SAFB2: variants seen among roughly 807,000 people sequenced by gnomAD.
SAFB2 encodes the protein scaffold attachment factor B2.
In SAFB2, 32 loss-of-function variants were observed where a neutral mutation model predicts 100.6. The observed-to-expected ratio is 0.32, with a 90% CI of 0.24 to 0.43. The LOEUF is 0.43. Ranked by LOEUF, SAFB2 falls within the 20% of genes least tolerant of loss-of-function variation. The probability of loss-of-function intolerance (pLI) is 1.00; values close to 1 mark genes in which losing one functional copy is unlikely to be tolerated. For missense variants in SAFB2, 1,185 were observed against 1,163.4 expected, an observed-to-expected ratio of 1.02 and a Z score of -0.27; for synonymous variants, 500 against 439.4, an observed-to-expected ratio of 1.14 and a Z score of -1.72.
intron 13 of SAFB2, among the ~76,000 whole-genome samples, chr19:5,597,847 T>C (rs550889989): frequency 7.2e-5 from 11 of 152,288 alleles, no homozygotes; most frequent in African/African-American, 2.2e-4. Flanking sequence ...AACTAAGTCT[T>C]GGTTGGGCAC....
rs1190003414 is a variant in SAFB2, at chr19:5,616,349, G to T, written c.340-14C>A. On this transcript the variant is annotated splice_polypyrimidine_tract_variant and intron_variant, in intron 3 of 20. Transcript: ENST00000252542. ...TTCCATGTCCTCCTGTAAAGAGGAA[G>T]AAGAATCGTTAACGACCACCTGGAC... is the stretch of plus-strand genomic sequence containing the variant. The T allele has an allele frequency of 3.1e-6, 5 of 1,613,960 alleles. No homozygotes were observed. The highest frequency in any genetic ancestry group is 2.2e-5 in the East Asian group (1 of 44,888).
intron 11 of SAFB2, among the ~76,000 whole-genome samples, chr19:5,601,715 T>TAAATAAAA (rs1370822914): frequency 2.7e-5 from 4 of 148,530 alleles, no homozygotes; most frequent in Admixed American, 2.0e-4. Flanking sequence ...CATCTCAAAA[T>TAAATAAAA]AAATAAATAA....
intron 9 of SAFB2, among the ~76,000 whole-genome samples, chr19:5,605,738 T>A (rs952385028): frequency 1.3e-5 from 2 of 152,182 alleles, no homozygotes; most frequent in Non-Finnish European, 2.9e-5. Flanking sequence ...TGATGAAACG[T>A]AGGCAACGAC....
chr19:5,613,121 T>C (rs1423961403), intron 5 of SAFB2, among the ~76,000 whole-genome samples: 3 of 152,170 alleles, frequency 2.0e-5, no homozygotes, highest in Non-Finnish European at 4.4e-5. Flanking sequence ...CCCTCTCTCT[T>C]TTGCATCAGA....
Position 5,587,108 on chromosome 19 carries a change from G to C in SAFB2, c.*135C>G, listed in dbSNP as rs1444040508. 1 of 1,099,294 alleles carries C rather than the reference G, an allele frequency of 9.1e-7. No individual in the cohort carries two copies. The highest frequency in any genetic ancestry group is 1.3e-6 in the Non-Finnish European group (1 of 779,418). 68.1% of individuals were successfully genotyped at this position (1,099,294 alleles called of 1,614,324 possible). ...TTATTTAAAAAAAAAAAAAAAGTGA[G>C]TTCACATTGTATTGAGCTACAACAT... On this transcript the variant is annotated 3_prime_UTR_variant, in exon 21 of 21. Coordinates refer to ENST00000252542, the MANE Select transcript of SAFB2 (RefSeq NM_014649.3). The surrounding 1 kb of genome is among the most constrained non-coding windows in gnomAD (Gnocchi z 4.9).
At chr19:5,612,660 TA>T in intron 5 of SAFB2, 93 bp from the exon 6 acceptor site, 1 of 961,996 alleles carries the variant, frequency 1.0e-6, no homozygotes, top group Non-Finnish European at 1.6e-6. Context: ...CATCTGTGAA[TA>T]AATGCCTGTT....
chr19:5,614,945 T>C (rs529526870), intron 4 of SAFB2, among the ~76,000 whole-genome samples: 2 of 152,336 alleles, frequency 1.3e-5, no homozygotes, highest in South Asian at 4.1e-4. Flanking sequence ...GCGTGGTGAC[T>C]CACCACTATA....
chr19:5,616,794 G>C (rs2053043796), intron 2 of SAFB2, among the ~76,000 whole-genome samples: 1 of 151,882 alleles, frequency 6.6e-6, no homozygotes, highest in Non-Finnish European at 1.5e-5. Context: ...TGGGACTACA[G>C]GCGTGCATCA....
intron 11 of SAFB2, among the ~76,000 whole-genome samples, chr19:5,600,965 G>A (rs753570913): frequency 7.9e-5 from 12 of 152,040 alleles, no homozygotes; most frequent in Non-Finnish European, 1.3e-4. Context: ...CAACACCAAC[G>A]ACATGCCAGG....
chr19:5,598,699 G>A, intron 13 of SAFB2, 94 bp downstream of exon 13: 1 of 1,172,390 alleles, frequency 8.5e-7, no homozygotes, highest in South Asian at 1.2e-5. Context: ...CAATTTTAAA[G>A]GCAAAACAGT....
rs115638905 is a variant in SAFB2 at position 5,591,914 on chromosome 19, C to T, written c.2349-121G>A. 22 of 958,786 alleles carry T rather than the reference C, an allele frequency of 2.3e-5. No individual in the cohort carries two copies. The African/African-American group carries it at 3.1e-4, about 14-fold the overall frequency. 59.4% of individuals were successfully genotyped at this position (958,786 alleles called of 1,614,324 possible). A position where few individuals can be genotyped will look rare whatever the true frequency, so the allele number is the denominator to read the frequency against. On this transcript the variant is annotated intron_variant, in intron 16 of 20. Transcript: ENST00000252542. ...CCATCACATAAAAACTATAACTGGC[C>T]TGGGAAAAAAGGAAAAAGCTAGCTC...
chr19:5,605,805 G>A (rs942977465), intron 9 of SAFB2, among the ~76,000 whole-genome samples: 1 of 152,234 alleles, frequency 6.6e-6, no homozygotes, highest in African/African-American at 2.4e-5. Context: ...AGAGCTCCCT[G>A]ACTGCCCCTG....
Position 5,587,876 on chromosome 19 carries a change from C to T in SAFB2, c.2630G>A (p.Arg877Lys), listed in dbSNP as rs1343645774. 1 of 1,610,948 alleles carries T rather than the reference C, an allele frequency of 6.2e-7. No individual in the cohort carries two copies. Residue 877 changes from arginine to lysine, a missense_variant, in exon 19 of 21, where the codon AGG (arginine) becomes AAG (lysine). Transcript: ENST00000252542. The surrounding 1 kb of genome is among the most constrained non-coding windows in gnomAD (Gnocchi z 4.9). ...DAGAASREHA[R>K]WQGGERGLSG... is the part of the protein sequence containing the mutation. ...TGGAGCCAGCCCCGTACCTTGCCAC[C>T]TGGCGTGCTCCCGGCTAGCCGCGCC... is the stretch of plus-strand genomic sequence containing the variant.
intron 17 of SAFB2, among the ~76,000 whole-genome samples, chr19:5,591,054 C>T (rs963801390): frequency 6.6e-6 from 1 of 152,068 alleles, no homozygotes; most frequent in Non-Finnish European, 1.5e-5. Flanking sequence ...TGGGGAAGCC[C>T]GGGCTCCCCC....
chr19:5,599,665 T>TA (rs1278320381), intron 12 of SAFB2, among the ~76,000 whole-genome samples: 1 of 152,188 alleles, frequency 6.6e-6, no homozygotes, highest in Admixed American at 6.5e-5. Context: ...TGAACCTTTA[T>TA]AAAATGACAA....
chr19:5,611,237 C>T lies in SAFB2; in HGVS notation c.1028G>A (p.Ser343Asn), dbSNP rs2052903028. Residue 343 changes from serine (S) to asparagine (N), a missense_variant, in exon 7 of 21, where the codon AGC (serine) becomes AAC (asparagine). Ser to Asn is a conservative substitution (Grantham distance 46). Transcript: ENST00000252542. The part of the protein sequence containing the change: ...ELAEAPTEAP[S>N]PEARDSKEDG... ...TTCTTTGCTATCTCTGGCTTCTGGG[C>T]TTGGGGCTTCCGTGGGTGCTTCTGC... The T allele has an allele frequency of 2.4e-6, 1 of 413,818 alleles. No homozygotes were observed. Among genetic ancestry groups the T allele is most frequent in the Non-Finnish European group, 3.9e-6 (1 of 256,022 alleles). The allele number at this position is 413,818 out of a possible 1,614,324, so 25.6% of individuals were successfully genotyped here.
At position 5,594,152 on chromosome 19, in the gene SAFB2, TGCTCCC is replaced by T; in HGVS notation, c.1940_1945del (p.Arg647_Glu648del). ...CCGCTCATGGAAGGCCTCGAGGCGT[TGCTCCC>T]GCTCCCGCTGCTCGCGCTCCCTGCG... On this transcript the variant is annotated inframe_deletion, in exon 15 of 21. Coordinates refer to ENST00000252542, the MANE Select transcript of SAFB2 (RefSeq NM_014649.3). 2 of 1,599,788 alleles carry T rather than the reference TGCTCCC, an allele frequency of 1.3e-6. No individual in the cohort carries two copies. The highest frequency in any genetic ancestry group is 1.7e-6 in the Non-Finnish European group (2 of 1,178,240).
intron 12 of SAFB2, among the ~76,000 whole-genome samples, chr19:5,599,118 C>A (rs1421014102): frequency 6.6e-6 from 1 of 152,192 alleles, no homozygotes; most frequent in Non-Finnish European, 1.5e-5. Flanking sequence ...CTGTTCCCAA[C>A]CTACAGCTTA....
At chr19:5,591,345 C>G (rs1053336312) in intron 17 of SAFB2, 1 of 158,418 alleles carries the variant, frequency 6.3e-6, no homozygotes, top group African/African-American at 2.5e-5. Context: ...ATGGTGCGAC[C>G]TCGACTCACT....
Sources: allele counts gnomAD v4.1 joint callset (sites outside exome capture counted in the v4.1 genomes callset), GRCh38; gene constraint gnomAD v4.1.1; non-coding constraint Gnocchi (gnomAD v3.1); transcripts MANE v1.5; gene names NCBI Gene and HGNC (gene_info 2026-07-23, HGNC 2026-07-21).